Variants in EVC2 observed in about 807,000 individuals in gnomAD.
The protein encoded by EVC2 is limbin.
In EVC2, 148 loss-of-function variants were observed where a neutral mutation model predicts 149.3. The observed-to-expected ratio is 0.99, with a 90% CI of 0.87 to 1.14. The LOEUF (loss-of-function observed/expected upper bound fraction) is 1.14, where lower values mean the gene tolerates loss of function less well. EVC2 is among the 50% of genes most tolerant of loss of function. The pLI is 0.00. For missense variants in EVC2, 1,854 were observed against 1,627.3 expected (o/e 1.14, Z -2.40); for synonymous variants, 776 against 649.9 (o/e 1.19, Z -2.95).
In EVC2 at chr4:5,652,270, T is replaced by C. The variant is rs562539917; in HGVS notation, c.1145+10837A>G. ...GGGAAGTCCCACGCAGGGACCAGTG[T>C]GGAGGTGAGGAGAGGCTGCGTCAGG... On this transcript the variant is annotated intron_variant, in intron 9 of 21. Transcript: ENST00000344408. Among the ~76,000 whole-genome samples, 197 of 152,204 alleles carry C rather than the reference T, an allele frequency of 1.3e-3. 1 individual carries two copies. Among genetic ancestry groups the C allele is most frequent in the African/African-American group, 4.6e-3 (189 of 41,522 alleles).
At position 5,681,265 on chromosome 4, in the gene EVC2, C is replaced by A. The variant is rs560409382; in HGVS notation, c.865G>T (p.Val289Leu). The A allele has an allele frequency of 3.1e-6, 5 of 1,614,118 alleles. No individual in the cohort carries two copies. In the East Asian group the frequency reaches 6.7e-5, roughly 22 times the overall value. ...GGGCATGTCATGTCTCTTACCGTTACGTTTTCTTCTGCTGTTATGGAAAAA... is the reference window on the plus strand; with the variant it reads ...GGGCATGTCATGTCTCTTACCGTTAAGTTTTCTTCTGCTGTTATGGAAAAA... ...VLFSITAEENVTVLPHHGLHA... is the reference protein window; with the variant it reads ...VLFSITAEENLTVLPHHGLHA... Residue 289 changes from valine (V) to leucine (L), a missense_variant, in exon 7 of 22, where the codon GTA becomes TTA. By Grantham distance (32) the Val-to-Leu change is conservative. Transcript: ENST00000344408.
chr4:5,596,123 G>T (rs909956961), intron 16 of EVC2, among the ~76,000 whole-genome samples: 2 of 152,158 alleles, frequency 1.3e-5, no homozygotes, highest in African/African-American at 4.8e-5. Flanking sequence ...AACAATGGGA[G>T]ACTTTAACAC....
chr4:5,531,261 G>C, the EVC2 span, among the ~76,000 whole-genome samples: 179 of 152,294 alleles, frequency 1.2e-3, no homozygotes, highest in African/African-American at 3.9e-3. Flanking sequence ...CAGGGAAACA[G>C]AACCAATAGA....
chr4:5,543,286 C>T lies in EVC2; in HGVS notation c.3420-74G>A. On this transcript the variant is annotated intron_variant and NMD_transcript_variant, in intron 21 of 22. Coordinates refer to the EVC2 transcript ENST00000475313. ...CCCACATTGTACCATCACCATCCACCCCAAGCCGGCAGGAGCACTCCATAA... is the reference window on the plus strand; with the variant it reads ...CCCACATTGTACCATCACCATCCACTCCAAGCCGGCAGGAGCACTCCATAA... 4.9e-6 allele frequency: 5 copies of T among 1,017,042 alleles called. No homozygotes were observed. In the South Asian group the frequency reaches 5.4e-5, roughly 11 times the overall value. 63.0% of individuals were successfully genotyped at this position (1,017,042 alleles called of 1,614,324 possible). A position where few individuals can be genotyped will look rare whatever the true frequency, so the allele number is the denominator to read the frequency against.
At chr4:5,581,734 G>C (rs6856676) in intron 17 of EVC2, among the ~76,000 whole-genome samples, 31,420 of 152,160 alleles carry the variant, frequency 0.21, 7,947 homozygotes, top group African/African-American at 0.6. Flanking sequence ...AAACAGAAGG[G>C]TTTTCAGAGA....
chr4:5,605,964 G>GT (rs1714364911), intron 16 of EVC2, among the ~76,000 whole-genome samples: 1 of 152,184 alleles, frequency 6.6e-6, no homozygotes, highest in African/African-American at 2.4e-5. Context: ...TTCCTGACGG[G>GT]ACTGCTGTAA....
chr4:5,599,823 A>T (rs373926222), intron 16 of EVC2, among the ~76,000 whole-genome samples: 3 of 152,224 alleles, frequency 2.0e-5, no homozygotes, highest in Non-Finnish European at 2.9e-5. Flanking sequence ...TACCCAGAGC[A>T]GGTAAAAAGA....
rs1235062958 is a variant in EVC2 at position 5,686,703 on chromosome 4, AAATAATAATGATGAGGTCAG to A, written c.707-1244_707-1225del. Among the ~76,000 whole-genome samples the A allele has an allele frequency of 6.6e-6, 1 of 152,186 alleles. No homozygotes were observed. Among genetic ancestry groups the A allele is most frequent in the Non-Finnish European group, 1.5e-5 (1 of 68,038 alleles). ...CTGGCTCTAATAAAAGAAAAGCACC[AAATAATAATGATGAGGTCAG>A]AATGTCAATGAACTGGGACCTGACT... is the stretch of plus-strand genomic sequence containing the variant. On this transcript the variant is annotated intron_variant, in intron 5 of 21. Coordinates refer to ENST00000344408, the MANE Select transcript of EVC2 (RefSeq NM_147127.5). This position sits in a 1 kb window ranked among gnomAD's most constrained non-coding sequence, Gnocchi z 5.4.
chr4:5,585,278 C>T (rs1712174576), intron 16 of EVC2, among the ~76,000 whole-genome samples: 1 of 151,998 alleles, frequency 6.6e-6, no homozygotes, highest in Admixed American at 6.5e-5. Context: ...ACTGGGAATG[C>T]CCTTCCCAGC....
Position 5,584,812 on chromosome 4 carries a change from C to T in EVC2, c.2868G>A (p.Met956Ile), listed in dbSNP as rs199824570. ...GTGCAAAGCCTCCCTCCTGTGCCTC[C>T]ATCCGCTGCACTCTCTCCCGCAGCA... Reference protein sequence around the residue: ...GELLRERVQRMEAQEGGFAQS... With the variant: ...GELLRERVQRIEAQEGGFAQS... Residue 956 changes from methionine (M) to isoleucine (I), a missense_variant, in exon 17 of 22, where the codon ATG becomes ATA. Coordinates refer to ENST00000344408, the MANE Select transcript of EVC2 (RefSeq NM_147127.5). The T allele has an allele frequency of 2.8e-5, 46 of 1,614,090 alleles. No homozygotes were observed. Among genetic ancestry groups the T allele is most frequent in the Non-Finnish European group, 3.9e-5 (46 of 1,180,050 alleles).
intron 1 of EVC2, 32 bp downstream of exon 1, chr4:5,708,254 C>A: frequency 1.4e-6 from 2 of 1,466,056 alleles, no homozygotes; most frequent in South Asian, 2.7e-5. Context: ...CCACTACAGT[C>A]AGACCGGAGC....
Position 5,622,945 on chromosome 4 carries a change from C to G in EVC2, c.2093G>C (p.Arg698Pro). The change falls in exon 14 of 22, where the codon CGA (arginine) becomes CCA (proline). Residue 698 changes from arginine (R) to proline (P), a missense_variant. By Grantham distance (103) the Arg-to-Pro change is moderately radical. Transcript: ENST00000344408. This position sits in a 1 kb window ranked among gnomAD's most constrained non-coding sequence, Gnocchi z 5.8. ...GTACTGGCCGGCATCCTCAACCGTT[C>G]GGAAGGCCTCGCCGACGGACGCCTG... Reference protein sequence around the residue: ...REQASVGEAFRTVEDAGQYLH... With the variant: ...REQASVGEAFPTVEDAGQYLH... 1 of 1,614,086 alleles carries G rather than the reference C, an allele frequency of 6.2e-7. No homozygotes were observed. The highest frequency in any genetic ancestry group is 1.3e-5 in the African/African-American group (1 of 75,022).
intron 2 of EVC2, 95 bp from the exon 3 acceptor site, chr4:5,694,596 G>T: frequency 1.4e-6 from 2 of 1,414,998 alleles, no homozygotes; most frequent in South Asian, 1.2e-5. Flanking sequence ...TACATGGAAG[G>T]TACTTAGAAG....
rs1722970294 is a variant in EVC2, at chr4:5,576,965, G to A, written c.3058-511C>T. 6.6e-6 allele frequency among the ~76,000 whole-genome samples: 1 copy of A among 152,190 alleles called. No homozygotes were observed. The highest frequency in any genetic ancestry group is 2.1e-4 in the South Asian group (1 of 4,832). On this transcript the variant is annotated intron_variant, in intron 17 of 21. Coordinates refer to ENST00000344408, the MANE Select transcript of EVC2 (RefSeq NM_147127.5). This position sits in a 1 kb window ranked among gnomAD's most constrained non-coding sequence, Gnocchi z 4.5. ...TGGCTGGCACCTGTCACTGCATATG[G>A]TGGGGTATCTGCATGCACCCGGCAT... is the stretch of plus-strand genomic sequence containing the variant.
At chr4:5,615,628 G>A in intron 15 of EVC2, 84 bp from the exon 16 acceptor site, 1 of 1,601,182 alleles carries the variant, frequency 6.2e-7, no homozygotes, top group Non-Finnish European at 8.5e-7. Flanking sequence ...TGCAGGTCAA[G>A]AGAAGTTTCT....
chr4:5,635,256 C>G (rs1483026123), intron 10 of EVC2, among the ~76,000 whole-genome samples: 4 of 151,848 alleles, frequency 2.6e-5, no homozygotes, highest in Non-Finnish European at 4.4e-5. Flanking sequence ...AGGCTGGTCT[C>G]AAACACCTGA....
chr4:5,588,388 T>C (rs898095038), intron 16 of EVC2, among the ~76,000 whole-genome samples: 4 of 152,202 alleles, frequency 2.6e-5, no homozygotes, highest in African/African-American at 9.6e-5. Flanking sequence ...TCAAGTTTCT[T>C]ATGCTTGGGA....
intron 21 of EVC2, among the ~76,000 whole-genome samples, chr4:5,548,081 G>C (rs1002516410): frequency 3.3e-5 from 5 of 152,080 alleles, no homozygotes; most frequent in Non-Finnish European, 5.9e-5. Context: ...GCCTGACTGT[G>C]CACGGTGGCT....
chr4:5,536,551 A>G, the EVC2 span, among the ~76,000 whole-genome samples: 1,369 of 152,270 alleles, frequency 9.0e-3, 19 homozygotes, highest in East Asian at 0.071. Context: ...TTGGGAGGCC[A>G]AGGCGGGCAG....
Sources: allele counts gnomAD v4.1 joint callset (sites outside exome capture counted in the v4.1 genomes callset), GRCh38; gene constraint gnomAD v4.1.1; non-coding constraint Gnocchi (gnomAD v3.1); transcripts MANE v1.5; gene names NCBI Gene and HGNC (gene_info 2026-07-23, HGNC 2026-07-21).